Variants in USP5 observed in about 807,000 individuals in gnomAD.
USP5 encodes the protein ubiquitin carboxyl-terminal hydrolase 5.
A neutral mutation model predicts 102.5 loss-of-function variants in USP5; 24 were observed. That is an observed-to-expected ratio of 0.23 (90% CI 0.17 to 0.33). The LOEUF (loss-of-function observed/expected upper bound fraction) is 0.33, where lower values mean the gene tolerates loss of function less well. USP5 is among the 10% of genes least tolerant of loss of function. USP5 has a pLI of 1.00. For missense variants in USP5, 753 were observed against 1,122.1 expected (o/e 0.67, Z 4.70); for synonymous variants, 460 against 434.8 (o/e 1.06, Z -0.72).
rs374666013 is a variant in USP5, at chr12:6,863,488, C to T, written c.1954+111C>T. ...TTCTCCTGTCCTCCCTTTCAAATTT[C>T]CTCTGCCCTCTTTGATTGACATGGG... On this transcript the variant is annotated intron_variant, in intron 15 of 19. Transcript: ENST00000229268. This position sits in a 1 kb window ranked among gnomAD's most constrained non-coding sequence, Gnocchi z 4.7. 11 of 1,343,024 alleles carry T rather than the reference C, an allele frequency of 8.2e-6. 1 individual carries two copies. The highest frequency in any genetic ancestry group is 2.3e-5 in the East Asian group (1 of 42,748). 83.2% of individuals were successfully genotyped at this position (1,343,024 alleles called of 1,614,324 possible).
Position 6,864,262 on chromosome 12 carries a change from C to T in USP5, c.2244+67C>T, listed in dbSNP as rs1371856768. The T allele has an allele frequency of 6.6e-6, 10 of 1,508,088 alleles. No homozygotes were observed. The highest frequency in any genetic ancestry group is 4.2e-5 in the African/African-American group (3 of 71,796). The allele number at this position is 1,508,088 out of a possible 1,614,324, so 93.4% of individuals were successfully genotyped here. On this transcript the variant is annotated intron_variant, in intron 17 of 19. Transcript: ENST00000229268. This position sits in a 1 kb window ranked among gnomAD's most constrained non-coding sequence, Gnocchi z 4.8. ...GAAGGGGGTGGGAATGAGGGGCCAT[C>T]CTTCTTGAGCAAGACCAAAGACAAC...
chr12:6,865,385 A>C, intron 19 of USP5, 137 bp downstream of exon 19: 1 of 760,914 alleles, frequency 1.3e-6, no homozygotes. Context: ...AGAGTGACAG[A>C]AGGTCTTGCA....
intron 7 of USP5, among the ~76,000 whole-genome samples, 170 bp downstream of exon 7, chr12:6,857,893 G>C (rs1490033609): frequency 5.9e-5 from 9 of 152,212 alleles, no homozygotes; most frequent in Non-Finnish European, 8.8e-5. Context: ...GAATAGTACT[G>C]AGTACCTACT....
chr12:6,863,483 A>G lies in USP5; in HGVS notation c.1954+106A>G, dbSNP rs985372416. The G allele has an allele frequency of 1.9e-5, 26 of 1,370,630 alleles. No individual in the cohort carries two copies. The highest frequency in any genetic ancestry group is 1.9e-4 in the Middle Eastern group (1 of 5,332). 84.9% of individuals were successfully genotyped at this position (1,370,630 alleles called of 1,614,324 possible). On this transcript the variant is annotated intron_variant, in intron 15 of 19. Transcript: ENST00000229268. The surrounding 1 kb of genome is among the most constrained non-coding windows in gnomAD (Gnocchi z 4.7). ...TGTGTTTCTCCTGTCCTCCCTTTCA[A>G]ATTTCCTCTGCCCTCTTTGATTGAC...
In USP5 at chr12:6,863,524, C is replaced by A; in HGVS notation, c.1954+147C>A. 9.3e-7 allele frequency: 1 copy of A among 1,070,636 alleles called. No individual in the cohort carries two copies. Among genetic ancestry groups the A allele is most frequent in the Non-Finnish European group, 1.3e-6 (1 of 748,926 alleles). 66.3% of individuals were successfully genotyped at this position (1,070,636 alleles called of 1,614,324 possible). ...TTTGATTGACATGGGGCCTCCCCAG[C>A]GCACTCCTAGCCACCTTCTGGGTGT... On this transcript the variant is annotated intron_variant, in intron 15 of 19. Transcript: ENST00000229268. This position sits in a 1 kb window ranked among gnomAD's most constrained non-coding sequence, Gnocchi z 4.7.
chr12:6,865,300 A>G (rs1371657871), intron 19 of USP5, 52 bp downstream of exon 19: 3 of 1,542,558 alleles, frequency 1.9e-6, no homozygotes, highest in Non-Finnish European at 1.8e-6. Flanking sequence ...GGGAATGAGG[A>G]GGGCCATTTG....
rs1555128764 is a variant in USP5 at position 6,858,259 on chromosome 12, C to T, written c.865-165C>T. ...CTCTGGGACAATTATGTGTGGCCTT[C>T]CAGAACTTGAACTGGACGATACTCA... On this transcript the variant is annotated intron_variant, in intron 7 of 19. Transcript: ENST00000229268. This position sits in a 1 kb window ranked among gnomAD's most constrained non-coding sequence, Gnocchi z 4.2. 6.6e-6 allele frequency among the ~76,000 whole-genome samples: 1 copy of T among 152,200 alleles called. No individual in the cohort carries two copies. Among genetic ancestry groups the T allele is most frequent in the Admixed American group, 6.5e-5 (1 of 15,280 alleles).
chr12:6,865,986 G>GT lies in USP5; in HGVS notation c.2486_2487insT (p.Trp829CysfsTer6), dbSNP rs1944435193. On this transcript the variant is annotated frameshift_variant, in exon 20 of 20. Coordinates refer to ENST00000229268, the MANE Select transcript of USP5 (RefSeq NM_001098536.2). LOFTEE classifies it high-confidence loss of function. ...TTCTGTTTTCCCCACTTCCCCAGATGGGTGATCTACAATGACCAGAAAGTG... is the reference window on the plus strand; with the variant it reads ...TTCTGTTTTCCCCACTTCCCCAGATGTGGTGATCTACAATGACCAGAAAGTG... 6.2e-7 allele frequency: 1 copy of GT among 1,613,942 alleles called. No individual in the cohort carries two copies. The highest frequency in any genetic ancestry group is 1.7e-5 in the Admixed American group (1 of 59,994).
At position 6,861,528 on chromosome 12, in the gene USP5, C is replaced by G. The variant is rs921264641; in HGVS notation, c.1584C>G (p.Pro528=). The part of the protein sequence containing the change: ...ALPELVRAQV[P]FSSCLEAYGA... ...CAGAACTGGTTCGGGCCCAGGTGCC[C>G]TTCAGCTCTTGCCTGGAGGCCTACG... Residue 528 remains proline (P), a synonymous_variant, in exon 13 of 20, where the codon CCC becomes CCG. Transcript: ENST00000229268. This position sits in a 1 kb window ranked among gnomAD's most constrained non-coding sequence, Gnocchi z 4.9. 3 of 1,602,250 alleles carry G rather than the reference C, an allele frequency of 1.9e-6. No individual in the cohort carries two copies. The highest frequency in any genetic ancestry group is 2.6e-6 in the Non-Finnish European group (3 of 1,170,536).
In USP5 at chr12:6,866,522, GGACCCCC is replaced by G. The variant is rs1555131035; in HGVS notation, c.*446_*452del. 90 of 166,638 alleles carry G rather than the reference GGACCCCC, an allele frequency of 5.4e-4. 1 individual carries two copies. The highest frequency in any genetic ancestry group is 9.7e-4 in the Non-Finnish European group (74 of 75,946). 10.3% of individuals were successfully genotyped at this position (166,638 alleles called of 1,614,324 possible). ...TCAAGGAGGGATGTGAGGGAAATAG[GGACCCCC>G]CGACTTGCCCTCCTGCCTCAGTCTT... On this transcript the variant is annotated 3_prime_UTR_variant, in exon 20 of 20. Coordinates refer to ENST00000229268, the MANE Select transcript of USP5 (RefSeq NM_001098536.2). This position sits in a 1 kb window ranked among gnomAD's most constrained non-coding sequence, Gnocchi z 4.7.
Position 6,859,507 on chromosome 12 carries a change from C to T in USP5, c.1096C>T (p.Pro366Ser). The change falls in exon 9 of 20, where the codon CCG becomes TCG. Residue 366 changes from proline to serine, a missense_variant. Physicochemically the swap from Pro to Ser is moderately conservative, Grantham distance 74 (BLOSUM62 -1). This residue lies in a region of USP5 where 527 missense variants were observed against 816.5 expected (regional missense o/e 0.65). Transcript: ENST00000229268. Reference sequence around the variant, plus strand: ...GCTGGAGAAGATCTTCCAGAATGCCCCGACGGACCCTACCCAGGATTTCAG... The same window carrying T: ...GCTGGAGAAGATCTTCCAGAATGCCTCGACGGACCCTACCCAGGATTTCAG... ...DKLEKIFQNA[P>S]TDPTQDFSTQ... 1 of 1,614,190 alleles carries T rather than the reference C, an allele frequency of 6.2e-7. No homozygotes were observed. The highest frequency in any genetic ancestry group is 8.5e-7 in the Non-Finnish European group (1 of 1,180,022).
Position 6,855,262 on chromosome 12 carries a change from CT to C in USP5, c.112-137del. 8.5e-7 allele frequency: 1 copy of C among 1,176,852 alleles called. No homozygotes were observed. The highest frequency in any genetic ancestry group is 2.4e-5 in the Admixed American group (1 of 41,364). 72.9% of individuals were successfully genotyped at this position (1,176,852 alleles called of 1,614,324 possible). A position where few individuals can be genotyped will look rare whatever the true frequency, so the allele number is the denominator to read the frequency against. On this transcript the variant is annotated intron_variant, in intron 1 of 19. Transcript: ENST00000229268. The surrounding 1 kb of genome is among the most constrained non-coding windows in gnomAD (Gnocchi z 4.6). ...TCCCAGGTCCTAAAAGGCTAAATAA[CT>C]TGCCAAGGGCCACACAGTGTTAGAG...
chr12:6,864,764 A>C lies in USP5; in HGVS notation c.2287A>C (p.Ile763Leu), dbSNP rs1555130408. 1 of 1,613,328 alleles carries C rather than the reference A, an allele frequency of 6.2e-7. No individual in the cohort carries two copies. The highest frequency in any genetic ancestry group is 1.1e-5 in the South Asian group (1 of 91,092). ...ERAVDWIFSHIDDLDAEAAMD... is the reference protein window; with the variant it reads ...ERAVDWIFSHLDDLDAEAAMD... ...GGCTGTGGACTGGATCTTCAGTCAC[A>C]TTGACGACCTGGATGCTGAAGCTGC... The change falls in exon 18 of 20, where the codon ATT (isoleucine) becomes CTT (leucine). Residue 763 changes from isoleucine (I) to leucine (L), a missense_variant. This residue lies in a region of USP5 where 193 missense variants were observed against 230.2 expected (regional missense o/e 0.84). Transcript: ENST00000229268. The surrounding 1 kb of genome is among the most constrained non-coding windows in gnomAD (Gnocchi z 4.8).
In USP5 at chr12:6,856,761, T is replaced by A. The variant is rs376721713; in HGVS notation, c.639T>A (p.Thr213=). Residue 213 remains threonine, a synonymous_variant, in exon 6 of 20, where the codon ACT becomes ACA. Transcript: ENST00000229268. This position sits in a 1 kb window ranked among gnomAD's most constrained non-coding sequence, Gnocchi z 5.6. ...GAGAGAACCTGTGGCTCAACCTGAC[T>A]GATGGCTCCATCCTCTGTGGGCGAC... The part of the protein sequence containing the change: ...DMRENLWLNL[T]DGSILCGRRY... 129 of 1,614,014 alleles carry A rather than the reference T, an allele frequency of 8.0e-5. No homozygotes were observed. The highest frequency in any genetic ancestry group is 1.0e-4 in the Non-Finnish European group (120 of 1,180,032).
At chr12:6,862,449 A>G in intron 13 of USP5, 21 bp from the exon 14 acceptor site, 1 of 1,608,766 alleles carries the variant, frequency 6.2e-7, no homozygotes, top group Non-Finnish European at 8.5e-7. Context: ...TCTGGGTACC[A>G]GCACAGTCTC....
At chr12:6,854,908 C>G (rs1252754239) in intron 1 of USP5, among the ~76,000 whole-genome samples, 1 of 151,934 alleles carries the variant, frequency 6.6e-6, no homozygotes, top group Non-Finnish European at 1.5e-5. Flanking sequence ...CTTAGGTGTC[C>G]CCTGGTTTGG....
Position 6,864,298 on chromosome 12 carries a change from T to G in USP5, c.2244+103T>G. ...AAGACCAAAGACAACAGGTGTGGTC[T>G]GGCCGAGGTTGGGCACCACTCTTTT... is the stretch of plus-strand genomic sequence containing the variant. On this transcript the variant is annotated intron_variant, in intron 17 of 19. Transcript: ENST00000229268. The surrounding 1 kb of genome is among the most constrained non-coding windows in gnomAD (Gnocchi z 4.8). The G allele has an allele frequency of 7.0e-7, 1 of 1,438,124 alleles. No homozygotes were observed. Among genetic ancestry groups the G allele is most frequent in the African/African-American group, 1.4e-5 (1 of 70,170 alleles). 89.1% of individuals were successfully genotyped at this position (1,438,124 alleles called of 1,614,324 possible).
rs782437263 is a variant in USP5, at chr12:6,855,833, T to G, written c.304+12T>G. 1 of 1,614,058 alleles carries G rather than the reference T, an allele frequency of 6.2e-7. No homozygotes were observed. The highest frequency in any genetic ancestry group is 1.3e-5 in the African/African-American group (1 of 74,940). On this transcript the variant is annotated intron_variant, in intron 3 of 19. Transcript: ENST00000229268. The surrounding 1 kb of genome is among the most constrained non-coding windows in gnomAD (Gnocchi z 4.6). ...GCGGCTGGCTATTGGTGAGCACCGC[T>G]GCAGTCCTATTCTTCTCCCTGAGCT...
chr12:6,859,488 G>A lies in USP5; in HGVS notation c.1077G>A (p.Glu359=). 1 of 1,614,152 alleles carries A rather than the reference G, an allele frequency of 6.2e-7. No homozygotes were observed. Among genetic ancestry groups the A allele is most frequent in the East Asian group, 2.2e-5 (1 of 44,878 alleles). The stretch of plus-strand genomic sequence containing the variant: ...CTTTTAGGTATGTGGATAAGCTGGA[G>A]AAGATCTTCCAGAATGCCCCGACGG... ...DFQRKYVDKL[E]KIFQNAPTDP... is the part of the protein sequence containing the mutation. Residue 359 remains glutamate, a synonymous_variant, in exon 9 of 20, where the codon GAG becomes GAA. Transcript: ENST00000229268.
Sources: gnomAD v4.1 joint callset for allele counts (sites outside exome capture counted in the v4.1 genomes callset) on GRCh38, gnomAD v4.1.1 for gene constraint, gnomAD v4.1.1 regional missense constraint, Gnocchi (gnomAD v3.1) non-coding constraint, MANE v1.5 for transcripts, NCBI Gene and HGNC (gene_info 2026-07-23, HGNC 2026-07-21) for gene names.